FAM20A: variants seen among roughly 807,000 people sequenced by gnomAD.
The protein encoded by FAM20A is FAM20A golgi associated secretory pathway pseudokinase, also known as pseudokinase FAM20A.
A neutral mutation model predicts 52.0 loss-of-function variants in FAM20A; 42 were observed. The observed-to-expected ratio is 0.81, with a 90% confidence interval of 0.63 to 1.04. The LOEUF is 1.04. Among genes scored for constraint, FAM20A ranks in the 50% least tolerant of loss-of-function variants. The pLI is 0.00. For synonymous variants in FAM20A, 304 were observed against 298.9 expected, an observed-to-expected ratio of 1.02 and a Z score of -0.18; for missense variants, 742 against 712.7, an observed-to-expected ratio of 1.04 and a Z score of -0.47.
rs760985072 is a variant in FAM20A, at chr17:68,542,146, G to A, written c.948C>T (p.Phe316=). The change falls in exon 7 of 11, where the codon TTC becomes TTT. Residue 316 remains phenylalanine, a synonymous_variant. Transcript: ENST00000592554. ...FVSPASNVCF[F]AKCPYMCKTE... is the part of the protein sequence containing the mutation. ...TCTTGCACATGTATGGACACTTGGC[G>A]AAGAAGCACACGTTGCTCGCTGGAG... 29 of 1,613,956 alleles carry A rather than the reference G, an allele frequency of 1.8e-5. No individual in the cohort carries two copies. Among genetic ancestry groups the A allele is most frequent in the East Asian group, 1.6e-4 (7 of 44,904 alleles).
Position 68,535,304 on chromosome 17 carries a change from T to C in FAM20A, c.*2173A>G, listed in dbSNP as rs1321119791. ...AATAATAAGGTAGGTGTACCACATATCATGGTGAAATTCAAGCCTATTGCT... is the reference window on the plus strand; with the variant it reads ...AATAATAAGGTAGGTGTACCACATACCATGGTGAAATTCAAGCCTATTGCT... On this transcript the variant is annotated 3_prime_UTR_variant, in exon 11 of 11. Transcript: ENST00000592554. 1.8e-5 allele frequency: 8 copies of C among 453,986 alleles called. No homozygotes were observed. The highest frequency in any genetic ancestry group is 9.4e-5 in the Admixed American group (4 of 42,558). 28.1% of individuals were successfully genotyped at this position (453,986 alleles called of 1,614,324 possible). A position where few individuals can be genotyped will look rare whatever the true frequency, so the allele number is the denominator to read the frequency against.
rs947945583 is a variant in FAM20A, at chr17:68,600,725, G to A, written c.-59C>T. The A allele has an allele frequency of 6.6e-7, 1 of 1,505,798 alleles. No homozygotes were observed. Among genetic ancestry groups the A allele is most frequent in the Non-Finnish European group, 8.8e-7 (1 of 1,131,528 alleles). 93.3% of individuals were successfully genotyped at this position (1,505,798 alleles called of 1,614,324 possible). On this transcript the variant is annotated 5_prime_UTR_variant, in exon 1 of 11. Coordinates refer to ENST00000592554, the MANE Select transcript of FAM20A (RefSeq NM_017565.4). The surrounding 1 kb of genome is among the most constrained non-coding windows in gnomAD (Gnocchi z 6.2). ...CCGGCTGTCTCCGGGGTCCCGGGAG[G>A]GGTCGCGGGGTGCGGGCAGAAGAGG...
chr17:68,571,277 C>G lies in FAM20A; in HGVS notation c.405-15534G>C, dbSNP rs112135116. On this transcript the variant is annotated intron_variant, in intron 1 of 10. Coordinates refer to ENST00000592554, the MANE Select transcript of FAM20A (RefSeq NM_017565.4). ...AGTTTCCTGAGGGCAAGGATCTACC[C>G]TGGATTTCTTTTGCATCCTCCTCAG... Among the ~76,000 whole-genome samples the G allele has an allele frequency of 1.4e-4, 22 of 152,322 alleles. 1 individual carries two copies. The highest frequency in any genetic ancestry group is 5.3e-4 in the African/African-American group (22 of 41,570).
At chr17:68,544,673 G>C (rs1215421008) in intron 4 of FAM20A, among the ~76,000 whole-genome samples, 3 of 152,170 alleles carry the variant, frequency 2.0e-5, no homozygotes, top group Admixed American at 1.3e-4. Context: ...GCTGCCAAAA[G>C]TAGAGATTCT....
At chr17:68,589,811 CAAG>C (rs1163547807) in intron 1 of FAM20A, among the ~76,000 whole-genome samples, 3 of 152,120 alleles carry the variant, frequency 2.0e-5, no homozygotes, top group Admixed American at 6.5e-5. Flanking sequence ...TCAATGAAAA[CAAG>C]AAGGATAATA....
chr17:68,540,817 C>A (rs1323390685), intron 8 of FAM20A, 32 bp downstream of exon 8: 2 of 1,570,032 alleles, frequency 1.3e-6, no homozygotes, highest in East Asian at 4.6e-5. Flanking sequence ...GCAGAGCCCA[C>A]TTCTGCTGGG....
chr17:68,581,273 G>C (rs974134417), intron 1 of FAM20A, among the ~76,000 whole-genome samples: 3 of 152,250 alleles, frequency 2.0e-5, no homozygotes, highest in Non-Finnish European at 2.9e-5. Context: ...CCAGGACTCA[G>C]GCTCAGACAT....
chr17:68,560,155 A>G (rs541408321), intron 1 of FAM20A, among the ~76,000 whole-genome samples: 93 of 152,142 alleles, frequency 6.1e-4, no homozygotes, highest in Admixed American at 2.1e-3. Flanking sequence ...GATGGTCTCA[A>G]TCTCTTGACC....
intron 1 of FAM20A, among the ~76,000 whole-genome samples, chr17:68,589,826 G>A (rs1024553728): frequency 6.6e-6 from 1 of 152,088 alleles, no homozygotes; most frequent in Non-Finnish European, 1.5e-5. Context: ...AGGATAATAC[G>A]ATTATTAATG....
At chr17:68,541,034 T>G in intron 7 of FAM20A, 76 bp from the exon 8 acceptor site, 2 of 1,471,820 alleles carry the variant, frequency 1.4e-6, no homozygotes, top group Non-Finnish European at 1.8e-6. Flanking sequence ...CACCTCCCCC[T>G]GCCCCCCCAA....
intron 4 of FAM20A, among the ~76,000 whole-genome samples, chr17:68,546,225 A>G (rs1381191800): frequency 6.7e-6 from 1 of 150,084 alleles, no homozygotes; most frequent in Non-Finnish European, 1.5e-5. Context: ...AAGTTTGATC[A>G]TGCAGTTGCA....
At position 68,537,049 on chromosome 17, in the gene FAM20A, A is replaced by G. The variant is rs369794249; in HGVS notation, c.*428T>C. The G allele has an allele frequency of 1.5e-5, 7 of 456,664 alleles. No homozygotes were observed. The highest frequency in any genetic ancestry group is 8.0e-5 in the African/African-American group (4 of 50,248). 28.3% of individuals were successfully genotyped at this position (456,664 alleles called of 1,614,324 possible). ...TGCAGATTTTTAGTCAGCTTGTGAT[A>G]GGCCAGGTGTTTTGTCTGGACCAGG... On this transcript the variant is annotated 3_prime_UTR_variant, in exon 11 of 11. Coordinates refer to ENST00000592554, the MANE Select transcript of FAM20A (RefSeq NM_017565.4). This position sits in a 1 kb window ranked among gnomAD's most constrained non-coding sequence, Gnocchi z 4.2.
chr17:68,542,282 G>T, intron 6 of FAM20A, 117 bp from the exon 7 acceptor site: 1 of 1,101,978 alleles, frequency 9.1e-7, no homozygotes, highest in Non-Finnish European at 1.3e-6. Flanking sequence ...AGCTCGGGAA[G>T]AGAAAGAAGA....
intron 3 of FAM20A, among the ~76,000 whole-genome samples, chr17:68,554,035 C>G (rs62087502): frequency 8.1e-6 from 1 of 123,164 alleles, no homozygotes; most frequent in Non-Finnish European, 1.8e-5. Flanking sequence ...TATATACACA[C>G]ATGCATATAT....
At chr17:68,583,483 G>A (rs1437113112) in intron 1 of FAM20A, among the ~76,000 whole-genome samples, 4 of 152,056 alleles carry the variant, frequency 2.6e-5, no homozygotes, top group Non-Finnish European at 5.9e-5. Flanking sequence ...CTCCTCTTCC[G>A]TCTGTGTCTA....
intron 8 of FAM20A, chr17:68,540,579 C>T (rs997126270): frequency 3.6e-6 from 2 of 555,974 alleles, no homozygotes; most frequent in Admixed American, 4.4e-5. Flanking sequence ...AGTGAACATA[C>T]AGCTTCCAAT....
Position 68,542,074 on chromosome 17 carries a change from G to T in FAM20A, c.1020C>A (p.Leu340=), listed in dbSNP as rs753948365. ...CGNPHLLEGS[L]SAFLPSLNLA... is the part of the protein sequence containing the mutation. The stretch of plus-strand genomic sequence containing the variant: ...GGTTGAGGGACGGCAGGAAGGCAGA[G>T]AGGGAACCCTCCAGCAGGTGTGGGT... Residue 340 remains leucine, a synonymous_variant, in exon 7 of 11, where the codon CTC becomes CTA. Coordinates refer to ENST00000592554, the MANE Select transcript of FAM20A (RefSeq NM_017565.4). 5.0e-6 allele frequency: 8 copies of T among 1,613,892 alleles called. No individual in the cohort carries two copies. In the South Asian group the frequency reaches 8.8e-5, roughly 18 times the overall value.
intron 1 of FAM20A, among the ~76,000 whole-genome samples, chr17:68,574,107 C>T (rs549567827): frequency 6.6e-6 from 1 of 152,122 alleles, no homozygotes; most frequent in African/African-American, 2.4e-5. Context: ...CTCTGTCACT[C>T]AGGCTGTACT....
At chr17:68,557,226 CAAAATA>C (rs1363053272) in intron 1 of FAM20A, among the ~76,000 whole-genome samples, 1 of 151,734 alleles carries the variant, frequency 6.6e-6, no homozygotes, top group Non-Finnish European at 1.5e-5. Flanking sequence ...ACTTTTCTAT[CAAAATA>C]AAAATAGATG....
Sources: gnomAD v4.1 joint callset for allele counts (sites outside exome capture counted in the v4.1 genomes callset) on GRCh38, gnomAD v4.1.1 for gene constraint, Gnocchi (gnomAD v3.1) non-coding constraint, MANE v1.5 for transcripts, NCBI Gene and HGNC (gene_info 2026-07-23, HGNC 2026-07-21) for gene names.